The following CDK6 variants were observed in gnomAD, a reference collection of about 807,000 sequenced individuals.
The protein encoded by CDK6 is cyclin-dependent kinase 6.
CDK6 carries 6 observed loss-of-function variants against 37.1 expected under a neutral mutation model. That is an observed-to-expected ratio of 0.16 (90% CI 0.09 to 0.32). CDK6 has a LOEUF of 0.32. Among genes scored for constraint, CDK6 ranks in the 10% least tolerant of loss-of-function variants. The pLI, the probability that CDK6 is intolerant of heterozygous loss-of-function variation, is 1.00. For missense variants in CDK6, 224 were observed against 418.9 expected (o/e 0.53, Z 4.06); for synonymous variants, 160 against 161.3 (o/e 0.99, Z 0.06).
chr7:92,608,117 CAG>C lies in CDK6; in HGVS notation c.*7021_*7022del, dbSNP rs1270482325. The C allele has an allele frequency of 4.3e-6, 1 of 232,800 alleles. No individual in the cohort carries two copies. The highest frequency in any genetic ancestry group is 2.2e-5 in the African/African-American group (1 of 45,296). 14.4% of individuals were successfully genotyped at this position (232,800 alleles called of 1,614,324 possible). A position where few individuals can be genotyped will look rare whatever the true frequency, so the allele number is the denominator to read the frequency against. ...ATCAACGGAATTTTTCTAGGGACCA[CAG>C]AGAGTTAGAAATTAAATAATTGTGT... On this transcript the variant is annotated 3_prime_UTR_variant, in exon 8 of 8. Coordinates refer to ENST00000424848, the MANE Select transcript of CDK6 (RefSeq NM_001145306.2).
chr7:92,768,524 T>A (rs550915360), intron 3 of CDK6, among the ~76,000 whole-genome samples: 1 of 152,328 alleles, frequency 6.6e-6, no homozygotes, highest in East Asian at 1.9e-4. Context: ...TGAAAAGTAG[T>A]TTGCATCAAA....
chr7:92,793,970 T>C (rs905277098), intron 2 of CDK6, among the ~76,000 whole-genome samples: 3 of 152,048 alleles, frequency 2.0e-5, no homozygotes, highest in South Asian at 2.1e-4. Flanking sequence ...CCTGTAAATA[T>C]AGTAAAAACA....
chr7:92,792,852 T>C (rs1800317166), intron 2 of CDK6, among the ~76,000 whole-genome samples: 1 of 151,614 alleles, frequency 6.6e-6, no homozygotes, highest in South Asian at 2.1e-4. Context: ...AGTCAAGCAA[T>C]AGTTTGGGAA....
intron 3 of CDK6, among the ~76,000 whole-genome samples, chr7:92,751,590 T>G (rs1799189093): frequency 6.6e-6 from 1 of 152,206 alleles, no homozygotes; most frequent in South Asian, 2.1e-4. Context: ...TTTTATTAAC[T>G]TTTTGCAAAT....
rs201481313 is a variant in CDK6, at chr7:92,690,159, T to C, written c.538-18624A>G. ...TCCGTTTGTCCATTTTTGCTTCTGT[T>C]GCAATTGCTTTTGGAGTCTTTGTCA... On this transcript the variant is annotated intron_variant, in intron 4 of 7. Transcript: ENST00000424848. 1.9e-4 allele frequency among the ~76,000 whole-genome samples: 29 copies of C among 152,316 alleles called. No individual in the cohort carries two copies. The East Asian group carries it at 4.2e-3, about 22-fold the overall frequency.
At chr7:92,640,642 T>C (rs1241835970) in intron 5 of CDK6, among the ~76,000 whole-genome samples, 1 of 152,224 alleles carries the variant, frequency 6.6e-6, no homozygotes, top group African/African-American at 2.4e-5. Flanking sequence ...GGGTCTACTC[T>C]GGGTATTTCA....
chr7:92,805,421 T>C (rs755343034), intron 2 of CDK6, among the ~76,000 whole-genome samples: 1 of 152,138 alleles, frequency 6.6e-6, no homozygotes, highest in African/African-American at 2.4e-5. Context: ...TGTTCCAACT[T>C]TTCACTCTGA....
At chr7:92,654,195 C>CTTT (rs369450379) in intron 5 of CDK6, among the ~76,000 whole-genome samples, 4 of 143,140 alleles carry the variant, frequency 2.8e-5, no homozygotes, top group African/African-American at 1.0e-4. Flanking sequence ...ATTCTTGTGG[C>CTTT]TTTTTTTTTT....
Position 92,699,460 on chromosome 7 carries a change from A to G in CDK6, c.537+26166T>C, listed in dbSNP as rs535614918. 6.6e-5 allele frequency among the ~76,000 whole-genome samples: 10 copies of G among 152,268 alleles called. No homozygotes were observed. The South Asian group carries it at 2.1e-3, about 32-fold the overall frequency. ...TATTTAAGTTCTTTCAACTATTTAC[A>G]TTTTTCTACTAAACCAAATTCTCCT... On this transcript the variant is annotated intron_variant, in intron 4 of 7. Coordinates refer to ENST00000424848, the MANE Select transcript of CDK6 (RefSeq NM_001145306.2).
intron 4 of CDK6, among the ~76,000 whole-genome samples, chr7:92,701,556 C>A (rs1050196982): frequency 6.6e-6 from 1 of 152,104 alleles, no homozygotes; most frequent in African/African-American, 2.4e-5. Context: ...CAGGCGCCTG[C>A]AACCACACCC....
chr7:92,817,702 A>C (rs1801066191), intron 2 of CDK6, among the ~76,000 whole-genome samples: 1 of 151,906 alleles, frequency 6.6e-6, no homozygotes, highest in African/African-American at 2.4e-5. Flanking sequence ...ATAGGGGGGA[A>C]AGTACAACTG....
chr7:92,659,410 T>TA (rs903009419), intron 5 of CDK6, among the ~76,000 whole-genome samples: 10 of 152,030 alleles, frequency 6.6e-5, no homozygotes, highest in Admixed American at 1.3e-4. Flanking sequence ...TGTACTGTGG[T>TA]AAAAAAAATA....
At chr7:92,672,602 G>C (rs188946402) in intron 4 of CDK6, among the ~76,000 whole-genome samples, 25 of 148,302 alleles carry the variant, frequency 1.7e-4, no homozygotes, top group South Asian at 4.5e-4. Flanking sequence ...GAGTACATAG[G>C]GGGGGTTCAA....
chr7:92,719,300 A>G (rs1190502700), intron 4 of CDK6, among the ~76,000 whole-genome samples: 8 of 152,116 alleles, frequency 5.3e-5, no homozygotes, highest in Non-Finnish European at 8.8e-5. Flanking sequence ...TTTTTGTAAT[A>G]CTTCTGGTAT....
intron 2 of CDK6, among the ~76,000 whole-genome samples, chr7:92,793,980 A>G (rs760017046): frequency 6.6e-6 from 1 of 152,130 alleles, no homozygotes; most frequent in Non-Finnish European, 1.5e-5. Flanking sequence ...TAGTAAAAAC[A>G]CTGAATCAAG....
At chr7:92,695,008 T>C (rs1015391995) in intron 4 of CDK6, among the ~76,000 whole-genome samples, 1 of 151,374 alleles carries the variant, frequency 6.6e-6, no homozygotes, top group Non-Finnish European at 1.5e-5. Flanking sequence ...TATTAAAAAG[T>C]TTGGGAGGGA....
intron 5 of CDK6, among the ~76,000 whole-genome samples, chr7:92,640,669 A>C (rs1400638727): frequency 6.6e-6 from 1 of 152,174 alleles, no homozygotes; most frequent in Non-Finnish European, 1.5e-5. Flanking sequence ...TTTAATCCCA[A>C]TCTTCCTCCT....
chr7:92,687,997 A>G (rs1797502453), intron 4 of CDK6, among the ~76,000 whole-genome samples: 1 of 152,192 alleles, frequency 6.6e-6, no homozygotes, highest in South Asian at 2.1e-4. Context: ...ATTCCATTGC[A>G]TCATTATGCC....
intron 5 of CDK6, among the ~76,000 whole-genome samples, chr7:92,645,733 A>C (rs1321750987): frequency 6.6e-6 from 1 of 152,226 alleles, no homozygotes; most frequent in Non-Finnish European, 1.5e-5. Context: ...ATTGTTCCTC[A>C]TGGCTCTCAC....
Sources: allele counts gnomAD v4.1 joint callset (sites outside exome capture counted in the v4.1 genomes callset), GRCh38; gene constraint gnomAD v4.1.1; transcripts MANE v1.5; gene names NCBI Gene and HGNC (gene_info 2026-07-23, HGNC 2026-07-21).